WNK2: variants seen among roughly 807,000 people sequenced by gnomAD.
WNK2 encodes serine/threonine-protein kinase WNK2.
Under a neutral mutation model 192.1 loss-of-function variants are expected in WNK2, and 67 were observed. The ratio of observed to expected loss-of-function variants is 0.35; its 90% confidence interval spans 0.29 to 0.43. WNK2 has a LOEUF of 0.43. Ranked by LOEUF, WNK2 falls within the 20% of genes least tolerant of loss-of-function variation. The probability of loss-of-function intolerance (pLI) is 1.00; values close to 1 mark genes in which losing one functional copy is unlikely to be tolerated. For synonymous variants in WNK2, 1,439 were observed against 1,393.9 expected (o/e 1.03, Z -0.72); for missense variants, 2,698 against 3,089.7 (o/e 0.87, Z 3.01).
intron 2 of WNK2, among the ~76,000 whole-genome samples, chr9:93,213,074 C>T (rs1452520728): frequency 1.3e-5 from 2 of 152,218 alleles, no homozygotes; most frequent in South Asian, 2.1e-4. Context: ...GAGGGGGCAC[C>T]GATTGAGCCC....
intron 18 of WNK2, 49 bp downstream of exon 18, chr9:93,268,114 G>C (rs879151049): frequency 5.7e-6 from 9 of 1,567,214 alleles, no homozygotes; most frequent in South Asian, 1.2e-5. Context: ...TTTGATGAAA[G>C]TCCCCACTCA....
In WNK2 at chr9:93,239,754, C is replaced by T; in HGVS notation, c.1323-3C>T. On this transcript the variant is annotated splice_polypyrimidine_tract_variant and splice_region_variant and intron_variant, in intron 6 of 29. Transcript: ENST00000427277. This position sits in a 1 kb window ranked among gnomAD's most constrained non-coding sequence, Gnocchi z 4.2. ...CCCTGCCTGTCAGCTGCTCTCCCTC[C>T]AGGTACGAGATCAAAGACCTGCTGA... 1 of 1,548,644 alleles carries T rather than the reference C, an allele frequency of 6.5e-7. No homozygotes were observed. The highest frequency in any genetic ancestry group is 8.7e-7 in the Non-Finnish European group (1 of 1,144,756).
intron 2 of WNK2, among the ~76,000 whole-genome samples, chr9:93,208,938 C>T (rs1176580511): frequency 6.6e-6 from 1 of 152,070 alleles, no homozygotes; most frequent in African/African-American, 2.4e-5. Context: ...AGCAGAGCCC[C>T]TCCCTCTGAT....
At chr9:93,240,780 A>G (rs1335592063) in intron 7 of WNK2, among the ~76,000 whole-genome samples, 3 of 152,176 alleles carry the variant, frequency 2.0e-5, no homozygotes, top group African/African-American at 4.8e-5. Flanking sequence ...CTTGATTCTC[A>G]GGTCTGTGCC....
intron 7 of WNK2, among the ~76,000 whole-genome samples, chr9:93,244,690 C>T (rs1841378906): frequency 6.6e-6 from 1 of 152,224 alleles, no homozygotes; most frequent in East Asian, 1.9e-4. Context: ...GGAATGGCCT[C>T]ACCCACATGC....
At chr9:93,211,105 TCCACTCACTCAC>T (rs1834436919) in intron 2 of WNK2, among the ~76,000 whole-genome samples, 1 of 147,534 alleles carries the variant, frequency 6.8e-6, no homozygotes, top group African/African-American at 2.5e-5. Context: ...CACTCACTCA[TCCACTCACTCAC>T]TCATCCCCTC....
chr9:93,307,979 T>C (rs1353233994), intron 27 of WNK2: 4 of 319,496 alleles, frequency 1.3e-5, no homozygotes, highest in Non-Finnish European at 2.3e-5. Flanking sequence ...CCAGTGTGTC[T>C]GGCTGTGCCA....
chr9:93,301,590 C>A (rs372567475), intron 26 of WNK2, among the ~76,000 whole-genome samples: 10 of 152,272 alleles, frequency 6.6e-5, no homozygotes, highest in South Asian at 6.2e-4. Context: ...CCTTCCCCCC[C>A]ACCCCTGCGT....
In WNK2 at chr9:93,247,253, G is replaced by A. The variant is rs532366204; in HGVS notation, c.1543-290G>A. 7.2e-5 allele frequency among the ~76,000 whole-genome samples: 11 copies of A among 152,326 alleles called. No homozygotes were observed. In the South Asian group the frequency reaches 8.3e-4, roughly 11 times the overall value. ...CTGCCACCAGCCCCGGGGGCGCTGG[G>A]AGCTCAGGGAGCCCTTGGGTCCGGT... On this transcript the variant is annotated intron_variant, in intron 7 of 29. Transcript: ENST00000427277. This position sits in a 1 kb window ranked among gnomAD's most constrained non-coding sequence, Gnocchi z 5.2.
intron 27 of WNK2, 66 bp downstream of exon 27, chr9:93,306,887 C>T: frequency 6.2e-7 from 1 of 1,608,142 alleles, no homozygotes; most frequent in Non-Finnish European, 8.5e-7. Flanking sequence ...GGCTAGCGCA[C>T]ATCAGGGTTC....
chr9:93,231,923 C>T (rs373860738), intron 4 of WNK2, among the ~76,000 whole-genome samples: 4 of 152,166 alleles, frequency 2.6e-5, no homozygotes, highest in Non-Finnish European at 5.9e-5. Context: ...GGGGCCTCCA[C>T]GGACTTTGAA....
intron 5 of WNK2, among the ~76,000 whole-genome samples, chr9:93,235,895 A>G (rs1415620690): frequency 6.6e-6 from 1 of 152,142 alleles, no homozygotes; most frequent in African/African-American, 2.4e-5. Flanking sequence ...CTCCATCCCG[A>G]GCCCTCCTTG....
intron 2 of WNK2, among the ~76,000 whole-genome samples, chr9:93,205,392 C>T (rs1017757134): frequency 6.6e-6 from 1 of 152,166 alleles, no homozygotes; most frequent in Non-Finnish European, 1.5e-5. Flanking sequence ...TCTGGAGAGG[C>T]CATTGGCCCC....
intron 2 of WNK2, among the ~76,000 whole-genome samples, chr9:93,227,147 A>C (rs1837959595): frequency 2.1e-5 from 3 of 140,440 alleles, no homozygotes; most frequent in African/African-American, 5.4e-5. Flanking sequence ...ACAGAGTCTC[A>C]CTCTTGCCCA....
At chr9:93,308,062 A>T in intron 27 of WNK2, 1 of 578,958 alleles carries the variant, frequency 1.7e-6, no homozygotes, top group African/African-American at 1.9e-5. Context: ...TGCTGAGCAG[A>T]GGCTGCCGGC....
chr9:93,319,030 G>GT (rs1483230944), intron 29 of WNK2: 9 of 1,550,146 alleles, frequency 5.8e-6, no homozygotes, highest in Non-Finnish European at 7.8e-6. Context: ...CGATGCTGTC[G>GT]TAAGAGATTT....
chr9:93,248,446 G>T (rs1287706860), intron 8 of WNK2, among the ~76,000 whole-genome samples: 1 of 152,252 alleles, frequency 6.6e-6, no homozygotes, highest in Non-Finnish European at 1.5e-5. Context: ...TTTAGGGCAG[G>T]TTCCTTAACC....
At chr9:93,315,614 G>C (rs1373463799) in intron 28 of WNK2, 2 of 152,202 alleles carry the variant, frequency 1.3e-5, no homozygotes, top group African/African-American at 4.8e-5. Context: ...TATTGTGATA[G>C]GGGCTCTTTT....
intron 19 of WNK2, among the ~76,000 whole-genome samples, chr9:93,284,391 AGGTT>A (rs1848154146): frequency 1.3e-5 from 2 of 152,364 alleles, no homozygotes; most frequent in African/African-American, 4.8e-5. Flanking sequence ...TCAGAATGCA[AGGTT>A]GGTTTAACTT....
Sources: gnomAD v4.1 joint callset for allele counts (sites outside exome capture counted in the v4.1 genomes callset) on GRCh38, gnomAD v4.1.1 for gene constraint, Gnocchi (gnomAD v3.1) non-coding constraint, MANE v1.5 for transcripts, NCBI Gene and HGNC (gene_info 2026-07-23, HGNC 2026-07-21) for gene names.